PTPRT: variants seen among roughly 807,000 people sequenced by gnomAD.
The protein encoded by PTPRT is protein tyrosine phosphatase receptor type T.
In PTPRT, 56 loss-of-function variants were observed where a neutral mutation model predicts 176.8. That is an observed-to-expected ratio of 0.32 (90% CI 0.26 to 0.40). PTPRT has a LOEUF of 0.40. Ranked by LOEUF, PTPRT falls within the 10% of genes least tolerant of loss-of-function variation. The probability of loss-of-function intolerance (pLI) is 1.00; values close to 1 mark genes in which losing one functional copy is unlikely to be tolerated. For synonymous variants in PTPRT, 783 were observed against 739.0 expected (o/e 1.06, Z -0.96); for missense variants, 1,540 against 1,908.2 (o/e 0.81, Z 3.60).
chr20:42,437,649 T>C (rs1352298978), intron 9 of PTPRT, among the ~76,000 whole-genome samples: 2 of 152,106 alleles, frequency 1.3e-5, no homozygotes, highest in Admixed American at 1.3e-4. Flanking sequence ...GAATTACTTT[T>C]CTCTTGGTAA....
chr20:42,654,874 G>A (rs542697557), intron 7 of PTPRT, among the ~76,000 whole-genome samples: 2 of 152,130 alleles, frequency 1.3e-5, no homozygotes, highest in South Asian at 2.1e-4. Flanking sequence ...CTAACATCAG[G>A]GCAAGAATAT....
chr20:42,662,966 ATG>A (rs10548733), intron 7 of PTPRT, among the ~76,000 whole-genome samples: 72,669 of 147,896 alleles, frequency 0.49, 17,909 homozygotes, highest in African/African-American at 0.65. Flanking sequence ...ACCTGAATAT[ATG>A]TGTGTGTGTG....
At chr20:42,284,035 C>G (rs1489798792) in intron 12 of PTPRT, among the ~76,000 whole-genome samples, 1 of 152,006 alleles carries the variant, frequency 6.6e-6, no homozygotes, top group Non-Finnish European at 1.5e-5. Flanking sequence ...GGTTCTCGGG[C>G]TCATAAACAT....
chr20:42,270,826 C>A (rs1475523699), intron 13 of PTPRT, among the ~76,000 whole-genome samples: 1 of 152,166 alleles, frequency 6.6e-6, no homozygotes, highest in Non-Finnish European at 1.5e-5. Flanking sequence ...AATGGTGCCA[C>A]CATCCATGTA....
In PTPRT at chr20:42,174,078, G is replaced by A. The variant is rs531083188; in HGVS notation, c.2492-12536C>T. Among the ~76,000 whole-genome samples the A allele has an allele frequency of 2.0e-5, 3 of 152,270 alleles. No homozygotes were observed. The South Asian group carries it at 6.2e-4, about 32-fold the overall frequency. On this transcript the variant is annotated intron_variant, in intron 16 of 30. Transcript: ENST00000373187. ...TCAGAAGAGAATGAAGTATATTAAA[G>A]TAGATGAAACTGTAAGGTGGCTTAG...
At chr20:42,508,923 A>C (rs942446330) in intron 7 of PTPRT, among the ~76,000 whole-genome samples, 3 of 144,950 alleles carry the variant, frequency 2.1e-5, no homozygotes, top group Non-Finnish European at 4.5e-5. Context: ...TTATAAATAT[A>C]AATAATATAA....
intron 7 of PTPRT, among the ~76,000 whole-genome samples, chr20:42,649,856 C>T (rs975114496): frequency 2.6e-5 from 4 of 151,852 alleles, no homozygotes; most frequent in African/African-American, 9.7e-5. Flanking sequence ...CCAATCAGAG[C>T]CTTGCCTTAG....
At chr20:42,899,663 G>A (rs1402255060) in intron 1 of PTPRT, among the ~76,000 whole-genome samples, 1 of 152,196 alleles carries the variant, frequency 6.6e-6, no homozygotes, top group Non-Finnish European at 1.5e-5. Context: ...CAGGAAGTGT[G>A]CATCCCTTTT....
At chr20:42,373,444 A>G (rs1306516265) in intron 9 of PTPRT, among the ~76,000 whole-genome samples, 4 of 152,200 alleles carry the variant, frequency 2.6e-5, no homozygotes, top group Admixed American at 2.6e-4. Flanking sequence ...GGATCCTATC[A>G]TTGACAAGAA....
intron 12 of PTPRT, among the ~76,000 whole-genome samples, chr20:42,299,915 G>T (rs201623510): frequency 1.3e-5 from 2 of 151,536 alleles, no homozygotes; most frequent in Non-Finnish European, 2.9e-5. Context: ...CCAAAGTGCT[G>T]GGATTACAGG....
chr20:42,926,927 C>T (rs1979524277), intron 1 of PTPRT, among the ~76,000 whole-genome samples: 1 of 152,170 alleles, frequency 6.6e-6, no homozygotes, highest in Admixed American at 6.5e-5. Context: ...TCAACTCCTG[C>T]TCCAGGCCAT....
At chr20:42,619,230 G>A (rs1569023164) in intron 7 of PTPRT, among the ~76,000 whole-genome samples, 1 of 143,870 alleles carries the variant, frequency 7.0e-6, no homozygotes, top group African/African-American at 2.8e-5. Context: ...GAAATTCTGG[G>A]TTGAAAATTC....
chr20:42,195,360 A>T (rs1422144842), intron 16 of PTPRT, among the ~76,000 whole-genome samples: 3 of 152,184 alleles, frequency 2.0e-5, no homozygotes, highest in Non-Finnish European at 4.4e-5. Context: ...CCTCCTAAAG[A>T]CACCGATTCA....
At chr20:42,177,158 G>A (rs1207697261) in intron 16 of PTPRT, among the ~76,000 whole-genome samples, 5 of 152,142 alleles carry the variant, frequency 3.3e-5, no homozygotes, top group Admixed American at 2.6e-4. Context: ...ATCTTCTATA[G>A]GCAGATTCTA....
At chr20:42,883,689 A>C (rs1455972451) in intron 2 of PTPRT, among the ~76,000 whole-genome samples, 1 of 6,076 alleles carries the variant, frequency 1.6e-4, no homozygotes, top group African/African-American at 6.0e-4. Context: ...GGACACACAC[A>C]CACACCTCCC....
Position 42,706,769 on chromosome 20 carries a change from T to C in PTPRT, c.860-28610A>G, listed in dbSNP as rs6030426. Among the ~76,000 whole-genome samples the C allele has an allele frequency of 8.9e-3, 1,349 of 152,294 alleles. 23 individuals carry two copies. Among genetic ancestry groups the C allele is most frequent in the African/African-American group, 0.031 (1,301 of 41,556 alleles). The stretch of plus-strand genomic sequence containing the variant: ...TACCTAAAAATACAATTACAGCATA[T>C]TGTCATATAATTGTGTCCACCCAAA... On this transcript the variant is annotated intron_variant, in intron 6 of 30. Transcript: ENST00000373187.
At chr20:42,222,378 C>T (rs2055905871) in intron 15 of PTPRT, among the ~76,000 whole-genome samples, 1 of 152,196 alleles carries the variant, frequency 6.6e-6, no homozygotes, top group African/African-American at 2.4e-5. Context: ...TTTATAACTC[C>T]CATATTCCTT....
At chr20:42,071,644 GTTTTATTTTATTTTA>G (rs532857392), downstream of PTPRT, among the ~76,000 whole-genome samples, 1 of 152,076 alleles carries the variant, frequency 6.6e-6, no homozygotes, top group African/African-American at 2.4e-5. Context: ...GCTCAGCAGT[GTTTTATTTTATTTTA>G]TTTTATTTTA....
rs371401746 is a variant in PTPRT, at chr20:42,595,402, G to A, written c.1153+82464C>T. On this transcript the variant is annotated intron_variant, in intron 7 of 30. Coordinates refer to ENST00000373187, the MANE Select transcript of PTPRT (RefSeq NM_007050.6). The stretch of plus-strand genomic sequence containing the variant: ...CAGAAGATGCCAGTAGTACTGTCCC[G>A]GTTGTGACAAGCAGAAATGGGTCCA... Among the ~76,000 whole-genome samples the A allele has an allele frequency of 1.2e-4, 19 of 152,090 alleles. No individual in the cohort carries two copies. The East Asian group carries it at 1.8e-3, about 14-fold the overall frequency.
Sources: gnomAD v4.1 joint callset for allele counts (sites outside exome capture counted in the v4.1 genomes callset) on GRCh38, gnomAD v4.1.1 for gene constraint, MANE v1.5 for transcripts, NCBI Gene and HGNC (gene_info 2026-07-23, HGNC 2026-07-21) for gene names.